Variants in ECT2L observed in about 807,000 individuals in gnomAD.
The protein encoded by ECT2L is epithelial cell transforming 2 like.
Under a neutral mutation model 122.8 loss-of-function variants are expected in ECT2L, and 126 were observed. The ratio of observed to expected loss-of-function variants is 1.03; its 90% CI spans 0.89 to 1.19. The LOEUF (loss-of-function observed/expected upper bound fraction) is 1.19. Ranked by LOEUF, ECT2L falls within the 50% of genes most tolerant of loss-of-function variation. The pLI, the probability that ECT2L is intolerant of heterozygous loss-of-function variation, is 0.00. For synonymous variants in ECT2L, 385 were observed against 381.8 expected (o/e 1.01, Z -0.10); for missense variants, 1,012 against 1,064.1 (o/e 0.95, Z 0.68).
intron 4 of ECT2L, among the ~76,000 whole-genome samples, chr6:138,824,568 C>CAAAAA (rs375064265): frequency 2.2e-5 from 2 of 91,682 alleles, no homozygotes; most frequent in African/African-American, 4.0e-5. Flanking sequence ...TAAAAAAAAA[C>CAAAAA]AAAAAACAAA....
intron 11 of ECT2L, among the ~76,000 whole-genome samples, chr6:138,864,789 T>C (rs574843374): frequency 2.0e-5 from 3 of 152,252 alleles, no homozygotes; most frequent in South Asian, 4.1e-4. Flanking sequence ...AGAGTAGACA[T>C]GCATTTGAAA....
At chr6:138,873,849 C>T (rs1032151575) in intron 13 of ECT2L, among the ~76,000 whole-genome samples, 7 of 145,508 alleles carry the variant, frequency 4.8e-5, no homozygotes, top group East Asian at 2.0e-4. Context: ...TTGTGTAATA[C>T]GGATTATCTG....
At chr6:138,876,869 C>T (rs1328960477) in intron 14 of ECT2L, among the ~76,000 whole-genome samples, 2 of 152,166 alleles carry the variant, frequency 1.3e-5, no homozygotes, top group African/African-American at 2.4e-5. Flanking sequence ...TGGACAAAGG[C>T]TCACAGTTTC....
intron 14 of ECT2L, 124 bp from the exon 15 acceptor site, chr6:138,880,833 C>T (rs1778619730): frequency 2.7e-6 from 2 of 745,226 alleles, no homozygotes; most frequent in East Asian, 5.4e-5. Context: ...CCTCCGTAGC[C>T]CCCGTGAAGT....
chr6:138,804,837 T>C (rs1583538853), intron 1 of ECT2L, among the ~76,000 whole-genome samples: 1 of 152,222 alleles, frequency 6.6e-6, no homozygotes, highest in Non-Finnish European at 1.5e-5. Context: ...ATTGTAAATA[T>C]CATTTTATAA....
chr6:138,881,520 C>T (rs921805707), intron 15 of ECT2L, among the ~76,000 whole-genome samples: 13 of 151,888 alleles, frequency 8.6e-5, no homozygotes, highest in Non-Finnish European at 1.8e-4. Flanking sequence ...GATTCAAGTG[C>T]ATTACAGTTA....
chr6:138,900,006 C>T (rs1440310130), intron 20 of ECT2L, among the ~76,000 whole-genome samples: 1 of 152,210 alleles, frequency 6.6e-6, no homozygotes, highest in Non-Finnish European at 1.5e-5. Flanking sequence ...AGGTTGAGGA[C>T]ACCAAATTTT....
intron 7 of ECT2L, 44 bp from the exon 8 acceptor site, chr6:138,846,495 G>C (rs1183247922): frequency 3.9e-6 from 6 of 1,536,704 alleles, no homozygotes; most frequent in Non-Finnish European, 5.2e-6. Flanking sequence ...AAAACTCAAG[G>C]TAAGAGAAAA....
chr6:138,882,189 C>T (rs749281347), intron 15 of ECT2L, among the ~76,000 whole-genome samples: 3 of 152,190 alleles, frequency 2.0e-5, no homozygotes, highest in Non-Finnish European at 4.4e-5. Flanking sequence ...GTATGTCCTT[C>T]CCTGAAGGTA....
intron 1 of ECT2L, among the ~76,000 whole-genome samples, chr6:138,800,807 C>T (rs973273823): frequency 6.6e-6 from 1 of 152,134 alleles, no homozygotes; most frequent in Non-Finnish European, 1.5e-5. Context: ...ATACCTGAGA[C>T]TGGGTAATTT....
At chr6:138,844,984 A>G (rs1164202102) in intron 7 of ECT2L, among the ~76,000 whole-genome samples, 1 of 152,082 alleles carries the variant, frequency 6.6e-6, no homozygotes, top group Non-Finnish European at 1.5e-5. Context: ...TATTTTCTGT[A>G]TTAAGTTACT....
intron 1 of ECT2L, among the ~76,000 whole-genome samples, chr6:138,810,874 G>T (rs1775869066): frequency 6.6e-6 from 1 of 152,168 alleles, no homozygotes; most frequent in Non-Finnish European, 1.5e-5. Context: ...TAGCTCATGA[G>T]CTCTGTGCTA....
chr6:138,808,725 T>C (rs1187965410), intron 1 of ECT2L, among the ~76,000 whole-genome samples: 3 of 88,822 alleles, frequency 3.4e-5, no homozygotes, highest in Non-Finnish European at 7.8e-5. Context: ...TTCCTTTCTC[T>C]TTTCTTTTTT....
At chr6:138,821,776 A>C (rs1057510862) in intron 4 of ECT2L, among the ~76,000 whole-genome samples, 5 of 152,264 alleles carry the variant, frequency 3.3e-5, no homozygotes, top group Non-Finnish European at 5.9e-5. Context: ...TGCCCACTGC[A>C]GTTTATATTC....
intron 4 of ECT2L, among the ~76,000 whole-genome samples, chr6:138,827,825 T>C (rs1318945865): frequency 1.3e-5 from 2 of 152,204 alleles, no homozygotes; most frequent in Non-Finnish European, 2.9e-5. Flanking sequence ...CCCAAAGTGC[T>C]AGGATTACAG....
At chr6:138,837,777 TTA>T (rs902355074) in intron 4 of ECT2L, among the ~76,000 whole-genome samples, 2 of 152,170 alleles carry the variant, frequency 1.3e-5, no homozygotes, top group Non-Finnish European at 2.9e-5. Context: ...TGAAAAGGTT[TTA>T]TAGTCTTTTT....
chr6:138,842,871 G>A, intron 5 of ECT2L, 108 bp from the exon 6 acceptor site: 1 of 1,047,552 alleles, frequency 9.5e-7, no homozygotes, highest in Non-Finnish European at 1.3e-6. Flanking sequence ...AGAGATTTTT[G>A]TACCAGAAAT....
intron 4 of ECT2L, among the ~76,000 whole-genome samples, chr6:138,828,423 C>G (rs1209290494): frequency 6.6e-6 from 1 of 152,130 alleles, no homozygotes; most frequent in African/African-American, 2.4e-5. Flanking sequence ...AACCTTCTGC[C>G]TCCCCTTTTC....
intron 13 of ECT2L, among the ~76,000 whole-genome samples, chr6:138,868,439 T>C (rs1778128988): frequency 6.6e-6 from 1 of 151,950 alleles, no homozygotes; most frequent in Non-Finnish European, 1.5e-5. Context: ...TATTACATTG[T>C]GCCCTGTTTT....
Sources: gnomAD v4.1 joint callset for allele counts (sites outside exome capture counted in the v4.1 genomes callset) on GRCh38, gnomAD v4.1.1 for gene constraint, MANE v1.5 for transcripts, NCBI Gene and HGNC (gene_info 2026-07-23, HGNC 2026-07-21) for gene names.